The following NBEAL1 variants were observed in gnomAD, a reference collection of about 807,000 sequenced individuals.
NBEAL1 encodes neurobeachin like 1.
NBEAL1 carries 273 observed loss-of-function variants against 351.3 expected under a neutral mutation model. The ratio of observed to expected loss-of-function variants is 0.78; its 90% CI spans 0.70 to 0.86. The LOEUF (loss-of-function observed/expected upper bound fraction) is 0.86. NBEAL1 is among the 40% of genes least tolerant of loss of function. NBEAL1 has a pLI of 0.00. For missense variants in NBEAL1, 2,961 were observed against 3,201.3 expected, an observed-to-expected ratio of 0.92 and a Z score of 1.81; for synonymous variants, 1,050 against 1,086.4, an observed-to-expected ratio of 0.97 and a Z score of 0.66.
intron 18 of NBEAL1, among the ~76,000 whole-genome samples, chr2:203,116,292 T>A (rs551860882): frequency 4.2e-4 from 64 of 152,250 alleles, no homozygotes; most frequent in Non-Finnish European, 8.4e-4. Flanking sequence ...CCTGTGGTAC[T>A]AATGGCAATA....
chr2:203,173,065 C>G (rs931673132), intron 41 of NBEAL1, among the ~76,000 whole-genome samples: 1 of 152,050 alleles, frequency 6.6e-6, no homozygotes, highest in Non-Finnish European at 1.5e-5. Context: ...CCTTCATCAC[C>G]AAATTTAAAT....
chr2:203,027,978 G>A (rs1008345889), intron 2 of NBEAL1, among the ~76,000 whole-genome samples: 2 of 152,132 alleles, frequency 1.3e-5, no homozygotes, highest in Non-Finnish European at 2.9e-5. Context: ...CCGCCTCTGG[G>A]GTTCAAACAA....
At chr2:203,071,257 G>A (rs2061677495) in intron 7 of NBEAL1, among the ~76,000 whole-genome samples, 1 of 152,126 alleles carries the variant, frequency 6.6e-6, no homozygotes, top group South Asian at 2.1e-4. Flanking sequence ...AGTCTGGAAA[G>A]TCCAGCAGGG....
At chr2:203,162,180 C>T (rs1422934446) in intron 36 of NBEAL1, among the ~76,000 whole-genome samples, 4 of 151,560 alleles carry the variant, frequency 2.6e-5, no homozygotes, top group East Asian at 1.9e-4. Flanking sequence ...TGTGCCACTA[C>T]GCCCAGCTAA....
At chr2:203,074,750 C>T in intron 7 of NBEAL1, 1 of 171,304 alleles carries the variant, frequency 5.8e-6, no homozygotes, top group East Asian at 1.4e-4. Flanking sequence ...CTAACATATG[C>T]CTTCTCTCCA....
intron 17 of NBEAL1, 78 bp downstream of exon 17, chr2:203,113,396 T>C: frequency 1.4e-6 from 1 of 738,866 alleles, no homozygotes; most frequent in Non-Finnish European, 1.9e-6. Flanking sequence ...AGAATATATT[T>C]AGAATATAGA....
Position 203,224,415 on chromosome 2 carries a change from T to C in NBEAL1, c.*7061T>C, listed in dbSNP as rs1559075579. Among the ~76,000 whole-genome samples, 1 of 152,146 alleles carries C rather than the reference T, an allele frequency of 6.6e-6. No homozygotes were observed. Among genetic ancestry groups the C allele is most frequent in the Non-Finnish European group, 1.5e-5 (1 of 67,968 alleles). Reference sequence around the variant, plus strand: ...CAAAAAGTAATCATATCTGGCTAGATAGCCATTTCTCTCAGATTCATTGCT... The same window carrying C: ...CAAAAAGTAATCATATCTGGCTAGACAGCCATTTCTCTCAGATTCATTGCT... On this transcript the variant is annotated 3_prime_UTR_variant, in exon 56 of 56. Coordinates refer to ENST00000683969, the MANE Select transcript of NBEAL1 (RefSeq NM_001378026.1).
chr2:203,075,769 T>C (rs2061760960), intron 7 of NBEAL1, among the ~76,000 whole-genome samples: 1 of 152,234 alleles, frequency 6.6e-6, no homozygotes, highest in African/African-American at 2.4e-5. Context: ...CAGGAATCTG[T>C]GGTGTGATCC....
chr2:203,201,785 T>G, intron 50 of NBEAL1, 70 bp downstream of exon 50: 1 of 1,301,868 alleles, frequency 7.7e-7, no homozygotes, highest in Non-Finnish European at 1.0e-6. Flanking sequence ...AAGTAGTACG[T>G]GCTCTTTGTA....
chr2:203,167,109 A>G (rs2106396969), intron 37 of NBEAL1, 118 bp from the exon 38 acceptor site: 2 of 879,732 alleles, frequency 2.3e-6, no homozygotes, highest in Non-Finnish European at 3.5e-6. Flanking sequence ...TGGTTTATAT[A>G]GTACAGAAAT....
chr2:203,144,550 T>G, intron 31 of NBEAL1, 50 bp from the exon 32 acceptor site: 1 of 1,515,122 alleles, frequency 6.6e-7, no homozygotes, highest in Admixed American at 2.1e-5. Context: ...GTGCTTTCAC[T>G]AAATGTTTGC....
chr2:203,199,582 C>T (rs1396078929), intron 49 of NBEAL1, 135 bp downstream of exon 49: 11 of 526,366 alleles, frequency 2.1e-5, no homozygotes, highest in Admixed American at 1.4e-4. Flanking sequence ...TCTTGCTCTG[C>T]GGTGCAGTGG....
At chr2:203,143,425 A>G (rs563001431) in intron 31 of NBEAL1, among the ~76,000 whole-genome samples, 1 of 152,356 alleles carries the variant, frequency 6.6e-6, no homozygotes, top group East Asian at 1.9e-4. Flanking sequence ...TAACAGAAAC[A>G]TCAAGCCAAA....
chr2:203,126,518 A>T (rs1006993580), intron 21 of NBEAL1, 39 bp from the exon 22 acceptor site: 4 of 1,364,322 alleles, frequency 2.9e-6, no homozygotes, highest in Non-Finnish European at 3.8e-6. Context: ...ACAGTTATTT[A>T]AACTGAACTA....
intron 33 of NBEAL1, among the ~76,000 whole-genome samples, chr2:203,148,416 T>C (rs1246774060): frequency 6.6e-6 from 1 of 152,132 alleles, no homozygotes; most frequent in Admixed American, 6.5e-5. Flanking sequence ...TTTAAAATTT[T>C]AACTGTTCTT....
upstream of NBEAL1, chr2:203,014,674 T>A (rs1325987343): frequency 6.6e-6 from 1 of 152,312 alleles, no homozygotes; most frequent in Non-Finnish European, 1.5e-5. Context: ...CGCCAAGGGA[T>A]GGGCAGCCAG....
chr2:203,053,091 A>T (rs2061349117), intron 4 of NBEAL1, among the ~76,000 whole-genome samples: 1 of 152,126 alleles, frequency 6.6e-6, no homozygotes. Context: ...ATTTAGGTAA[A>T]TGCTGAAGAG....
At chr2:203,113,427 T>G in intron 17 of NBEAL1, 109 bp downstream of exon 17, 1 of 631,774 alleles carries the variant, frequency 1.6e-6, no homozygotes, top group Non-Finnish European at 2.3e-6. Context: ...CTGAAGAATA[T>G]ATTTCATGTG....
chr2:203,094,619 CGTAA>C (rs1553607967), intron 10 of NBEAL1, among the ~76,000 whole-genome samples: 2 of 152,186 alleles, frequency 1.3e-5, no homozygotes, highest in Admixed American at 6.5e-5. Flanking sequence ...CGTTGATTTC[CGTAA>C]GTATTTGTGT....
Sources: gnomAD v4.1 joint callset for allele counts (sites outside exome capture counted in the v4.1 genomes callset) on GRCh38, gnomAD v4.1.1 for gene constraint, MANE v1.5 for transcripts, NCBI Gene and HGNC (gene_info 2026-07-23, HGNC 2026-07-21) for gene names.